Variants in PPARGC1A observed in about 807,000 individuals in gnomAD.
PPARGC1A encodes peroxisome proliferator-activated receptor gamma coactivator 1-alpha.
In PPARGC1A, 25 loss-of-function variants were observed where a neutral mutation model predicts 88.7. The ratio of observed to expected loss-of-function variants is 0.28; its 90% CI spans 0.21 to 0.39. PPARGC1A has a LOEUF of 0.39. Ranked by LOEUF, PPARGC1A falls within the 10% of genes least tolerant of loss-of-function variation. The probability of loss-of-function intolerance (pLI) is 1.00; values close to 1 mark genes in which losing one functional copy is unlikely to be tolerated. For missense variants in PPARGC1A, 880 were observed against 968.7 expected, an observed-to-expected ratio of 0.91 and a Z score of 1.22; for synonymous variants, 363 against 355.6, an observed-to-expected ratio of 1.02 and a Z score of -0.24.
Position 23,801,659 on chromosome 4 carries a change from C to T in PPARGC1A, c.2293+71G>A, listed in dbSNP as rs190035216. ...GTGATGGTTCAACCCAAGGTGCCTA[C>T]GGATTATGTTTGTTCCCATCTTGAG... On this transcript the variant is annotated intron_variant, in intron 12 of 12. Transcript: ENST00000264867. 2,274 of 1,538,268 alleles carry T rather than the reference C, an allele frequency of 1.5e-3. 21 individuals are homozygous for T. Among genetic ancestry groups the T allele is most frequent in the Non-Finnish European group, 3.7e-4 (416 of 1,118,260 alleles).
chr4:23,907,834 C>T (rs1720234191), upstream of PPARGC1A, among the ~76,000 whole-genome samples: 1 of 152,122 alleles, frequency 6.6e-6, no homozygotes, highest in Non-Finnish European at 1.5e-5. Context: ...AAGATTTCTG[C>T]ATGTTTTATC....
chr4:24,472,043 A>C, the PPARGC1A span, among the ~76,000 whole-genome samples: 1 of 152,034 alleles, frequency 6.6e-6, no homozygotes, highest in Non-Finnish European at 1.5e-5. The surrounding 1 kb of genome is among the most constrained non-coding windows in gnomAD (Gnocchi z 4.5). Flanking sequence ...GTTGCGCTCG[A>C]GTTCCCTGGT....
the PPARGC1A span, among the ~76,000 whole-genome samples, chr4:24,433,212 A>C: frequency 1.3e-5 from 2 of 152,124 alleles, no homozygotes; most frequent in Non-Finnish European, 1.5e-5. Context: ...ACTTTTTCTC[A>C]ATATTAATTG....
chr4:23,950,474 C>A, the PPARGC1A span, among the ~76,000 whole-genome samples: 6 of 152,204 alleles, frequency 3.9e-5, no homozygotes, highest in East Asian at 1.2e-3. Context: ...AAGTAATAAA[C>A]CTGATCATGA....
At chr4:24,303,358 C>T in the PPARGC1A span, among the ~76,000 whole-genome samples, 1 of 152,122 alleles carries the variant, frequency 6.6e-6, no homozygotes, top group Admixed American at 6.5e-5. Flanking sequence ...TGAATATAAC[C>T]ATTAGCAGCA....
At chr4:23,977,176 A>G in the PPARGC1A span, among the ~76,000 whole-genome samples, 1 of 152,214 alleles carries the variant, frequency 6.6e-6, no homozygotes, top group African/African-American at 2.4e-5. Context: ...GTAAATAGTT[A>G]TTACTGCTGA....
At chr4:24,146,527 C>A in the PPARGC1A span, among the ~76,000 whole-genome samples, 1 of 152,220 alleles carries the variant, frequency 6.6e-6, no homozygotes, top group African/African-American at 2.4e-5. Context: ...GCACCTCGGT[C>A]TGCTGACTAG....
chr4:24,049,782 T>C, the PPARGC1A span, among the ~76,000 whole-genome samples: 1 of 152,158 alleles, frequency 6.6e-6, no homozygotes, highest in African/African-American at 2.4e-5. Context: ...AACAGCCCAC[T>C]TTAAGCTCTG....
chr4:24,017,944 C>A, the PPARGC1A span, among the ~76,000 whole-genome samples: 633 of 152,270 alleles, frequency 4.2e-3, no homozygotes, highest in Non-Finnish European at 6.7e-3. Flanking sequence ...TAGACACATT[C>A]ACTTATACTC....
chr4:24,383,196 T>C, the PPARGC1A span, among the ~76,000 whole-genome samples: 2 of 151,952 alleles, frequency 1.3e-5, no homozygotes, highest in East Asian at 1.9e-4. Context: ...AGAAAGAACA[T>C]CCACATAGAA....
At chr4:24,338,268 A>T in the PPARGC1A span, among the ~76,000 whole-genome samples, 1 of 152,212 alleles carries the variant, frequency 6.6e-6, no homozygotes, top group Non-Finnish European at 1.5e-5. Flanking sequence ...AGAATACAAA[A>T]GCAAAGGTTT....
At chr4:24,224,593 A>G in the PPARGC1A span, among the ~76,000 whole-genome samples, 1 of 152,198 alleles carries the variant, frequency 6.6e-6, no homozygotes, top group Non-Finnish European at 1.5e-5. Context: ...ACGGCAGGCA[A>G]TTGTCTAGAC....
At chr4:23,802,897 T>G (rs1180465616) in intron 10 of PPARGC1A, among the ~76,000 whole-genome samples, 1 of 152,120 alleles carries the variant, frequency 6.6e-6, no homozygotes, top group Non-Finnish European at 1.5e-5. Flanking sequence ...TTTCTACCTT[T>G]CCTATCTGTC....
the PPARGC1A span, among the ~76,000 whole-genome samples, chr4:24,455,425 A>C: frequency 6.6e-6 from 1 of 152,226 alleles, no homozygotes; most frequent in African/African-American, 2.4e-5. Flanking sequence ...AGGCTGCAAT[A>C]GCCATCATTG....
the PPARGC1A span, among the ~76,000 whole-genome samples, chr4:24,471,627 T>G: frequency 6.6e-6 from 1 of 152,118 alleles, no homozygotes. The surrounding 1 kb of genome is among the most constrained non-coding windows in gnomAD (Gnocchi z 5.4). Context: ...CACGCCCCCC[T>G]TCCGGCGTCT....
chr4:23,821,553 T>C (rs1287899625), intron 7 of PPARGC1A, among the ~76,000 whole-genome samples: 1 of 151,846 alleles, frequency 6.6e-6, no homozygotes, highest in Non-Finnish European at 1.5e-5. Flanking sequence ...GCAAGGGCAA[T>C]AAAAGGGAAG....
chr4:23,800,630 C>T (rs984991997), intron 12 of PPARGC1A, among the ~76,000 whole-genome samples: 1 of 150,806 alleles, frequency 6.6e-6, no homozygotes, highest in Non-Finnish European at 1.5e-5. Context: ...ATAAATTCAA[C>T]TGTAAGAAAT....
the PPARGC1A span, among the ~76,000 whole-genome samples, chr4:24,440,037 C>G: frequency 6.6e-6 from 1 of 152,224 alleles, no homozygotes; most frequent in African/African-American, 2.4e-5. Flanking sequence ...ATCCCTTGCC[C>G]TATATTAAGC....
chr4:23,974,308 G>A, the PPARGC1A span, among the ~76,000 whole-genome samples: 59 of 152,210 alleles, frequency 3.9e-4, no homozygotes, highest in Admixed American at 6.5e-4. Context: ...ATACCAATAA[G>A]AGTAACAATA....
Sources: gnomAD v4.1 joint callset for allele counts (sites outside exome capture counted in the v4.1 genomes callset) on GRCh38, gnomAD v4.1.1 for gene constraint, Gnocchi (gnomAD v3.1) non-coding constraint, MANE v1.5 for transcripts, NCBI Gene and HGNC (gene_info 2026-07-23, HGNC 2026-07-21) for gene names.